The following SNTG1 variants were observed in gnomAD, a reference collection of about 807,000 sequenced individuals.
SNTG1 encodes the protein gamma-1-syntrophin.
Under a neutral mutation model 74.7 loss-of-function variants are expected in SNTG1, and 39 were observed. The observed-to-expected ratio is 0.52, with a 90% CI of 0.40 to 0.68. The LOEUF (loss-of-function observed/expected upper bound fraction) is 0.68, where lower values mean the gene tolerates loss of function less well. SNTG1 is among the 30% of genes least tolerant of loss of function. The pLI is 0.00. For missense variants in SNTG1, 685 were observed against 609.5 expected, an observed-to-expected ratio of 1.12 and a Z score of -1.30; for synonymous variants, 254 against 217.1, an observed-to-expected ratio of 1.17 and a Z score of -1.49.
chr8:50,515,386 A>ATTTTTTTT (rs2094122703), intron 9 of SNTG1, among the ~76,000 whole-genome samples: 1 of 99,220 alleles, frequency 1.0e-5, no homozygotes, highest in African/African-American at 3.7e-5. Flanking sequence ...TAGCTGCAGG[A>ATTTTTTTT]GTTTTTTTTT....
At chr8:50,010,909 G>T (rs1056538860) in intron 1 of SNTG1, among the ~76,000 whole-genome samples, 5 of 149,348 alleles carry the variant, frequency 3.3e-5, no homozygotes, top group African/African-American at 4.9e-5. Flanking sequence ...TATATTTTAC[G>T]TCTTCATATC....
intron 15 of SNTG1, among the ~76,000 whole-genome samples, chr8:50,670,958 A>T (rs1157758291): frequency 6.6e-6 from 1 of 151,178 alleles, no homozygotes; most frequent in Non-Finnish European, 1.5e-5. Flanking sequence ...TTCCCTATTT[A>T]ATAAATGGTG....
At chr8:50,708,347 A>G (rs2095451088) in intron 16 of SNTG1, 1 of 153,660 alleles carries the variant, frequency 6.5e-6, no homozygotes, top group Non-Finnish European at 1.4e-5. Flanking sequence ...ATCTCGTGCA[A>G]TATCGAAGAA....
rs766547846 is a variant in SNTG1 at position 50,793,398 on chromosome 8, A to T, written c.*569A>T. 6.6e-6 allele frequency: 1 copy of T among 151,644 alleles called. No individual in the cohort carries two copies. The allele number at this position is 151,644 out of a possible 1,614,324, so 9.4% of individuals were successfully genotyped here. ...CCCATGATTTGACACTGGCATTCCA[A>T]TTGTTTTTATCTTATTGTAAATATT... On this transcript the variant is annotated 3_prime_UTR_variant, in exon 19 of 19. Coordinates refer to ENST00000642720, the MANE Select transcript of SNTG1 (RefSeq NM_018967.5).
intron 17 of SNTG1, among the ~76,000 whole-genome samples, chr8:50,732,346 G>T (rs1285377727): frequency 6.6e-6 from 1 of 151,596 alleles, no homozygotes; most frequent in African/African-American, 2.4e-5. Flanking sequence ...GTCAAGGCGT[G>T]CTACAAACAG....
chr8:50,270,462 A>T (rs1478261874), intron 2 of SNTG1, among the ~76,000 whole-genome samples: 2 of 152,222 alleles, frequency 1.3e-5, no homozygotes, highest in African/African-American at 4.8e-5. Context: ...AAAAAAGTTT[A>T]TGAATTCAAC....
At chr8:50,708,730 A>G (rs1030775336) in intron 16 of SNTG1, 156 bp from the exon 17 acceptor site, 4 of 579,800 alleles carry the variant, frequency 6.9e-6, no homozygotes, top group Non-Finnish European at 1.2e-5. Flanking sequence ...TTTCATTAAC[A>G]TTAAAATGTT....
chr8:50,127,199 G>GAGGA (rs970269697), intron 1 of SNTG1, among the ~76,000 whole-genome samples: 1 of 152,096 alleles, frequency 6.6e-6, no homozygotes, highest in African/African-American at 2.4e-5. Context: ...AGCTGAGGCT[G>GAGGA]AGGTCCACTC....
intron 2 of SNTG1, among the ~76,000 whole-genome samples, chr8:50,345,177 G>C (rs2091435505): frequency 6.6e-6 from 1 of 152,168 alleles, no homozygotes; most frequent in African/African-American, 2.4e-5. Flanking sequence ...GAATCAAAGA[G>C]ATAAGTTATC....
At chr8:49,910,993 C>A (rs1334060071), upstream of SNTG1, 1 of 152,254 alleles carries the variant, frequency 6.6e-6, no homozygotes, top group Non-Finnish European at 1.5e-5. Context: ...TTCGCCGGAT[C>A]CTCTGAGAGG....
At chr8:50,717,672 A>G (rs1240690584) in intron 17 of SNTG1, among the ~76,000 whole-genome samples, 1 of 152,216 alleles carries the variant, frequency 6.6e-6, no homozygotes. Context: ...TGCAAATCAT[A>G]CAGACACAGT....
chr8:50,059,201 A>G (rs1261941278), intron 1 of SNTG1, among the ~76,000 whole-genome samples: 1 of 152,106 alleles, frequency 6.6e-6, no homozygotes, highest in African/African-American at 2.4e-5. Context: ...TAAAGCTGAT[A>G]TAAACATGCA....
intron 9 of SNTG1, among the ~76,000 whole-genome samples, chr8:50,523,439 G>C (rs558559739): frequency 3.6e-4 from 55 of 152,264 alleles, no homozygotes; most frequent in South Asian, 1.4e-3. Context: ...TTTTAAGTGA[G>C]AGACTTGCAA....
At position 50,427,614 on chromosome 8, in the gene SNTG1, A is replaced by G. The variant is rs548004253; in HGVS notation, c.163-10929A>G. Among the ~76,000 whole-genome samples, 65 of 152,232 alleles carry G rather than the reference A, an allele frequency of 4.3e-4. No homozygotes were observed. In the Middle Eastern group the frequency reaches 0.017, roughly 40 times the overall value. On this transcript the variant is annotated intron_variant, in intron 4 of 18. Transcript: ENST00000642720. Reference sequence around the variant, plus strand: ...CTAAGCTTTTTTATCTTTTGTAGAGACAGGGTCTCACAATGTTGCTTAGCC... The same window carrying G: ...CTAAGCTTTTTTATCTTTTGTAGAGGCAGGGTCTCACAATGTTGCTTAGCC...
At chr8:50,713,253 T>G (rs2095466778) in intron 17 of SNTG1, among the ~76,000 whole-genome samples, 1 of 152,226 alleles carries the variant, frequency 6.6e-6, no homozygotes, top group Admixed American at 6.5e-5. Context: ...TGATGACCAG[T>G]GATGATGAGC....
chr8:50,138,413 T>G (rs1263021294), intron 1 of SNTG1, among the ~76,000 whole-genome samples: 1 of 151,104 alleles, frequency 6.6e-6, no homozygotes, highest in East Asian at 2.0e-4. Flanking sequence ...AGGTCAGGAG[T>G]TCAATACCAG....
At chr8:50,242,730 AT>A (rs2086220781) in intron 2 of SNTG1, among the ~76,000 whole-genome samples, 1 of 150,234 alleles carries the variant, frequency 6.7e-6, no homozygotes, top group Non-Finnish European at 1.5e-5. Flanking sequence ...GTATTATGAT[AT>A]TATTACTATA....
intron 11 of SNTG1, among the ~76,000 whole-genome samples, chr8:50,546,379 C>T (rs1563554868): frequency 6.6e-6 from 1 of 151,672 alleles, no homozygotes; most frequent in African/African-American, 2.4e-5. Context: ...AGAAGGAAGA[C>T]TTTTTTATTA....
At chr8:50,031,985 T>A (rs1328313682) in intron 1 of SNTG1, among the ~76,000 whole-genome samples, 3 of 152,128 alleles carry the variant, frequency 2.0e-5, no homozygotes, top group Non-Finnish European at 4.4e-5. Context: ...AGTTGTGAGG[T>A]TAAAGTTATC....
Sources: allele counts gnomAD v4.1 joint callset (sites outside exome capture counted in the v4.1 genomes callset), GRCh38; gene constraint gnomAD v4.1.1; transcripts MANE v1.5; gene names NCBI Gene and HGNC (gene_info 2026-07-23, HGNC 2026-07-21).